Variants in UNC13A observed in about 807,000 individuals in gnomAD.
UNC13A encodes unc-13 homolog A.
UNC13A carries 61 observed loss-of-function variants against 219.7 expected under a neutral mutation model. The observed-to-expected ratio is 0.28, with a 90% CI of 0.23 to 0.34. The LOEUF is 0.34. Among genes scored for constraint, UNC13A ranks in the 10% least tolerant of loss-of-function variants. The probability of loss-of-function intolerance (pLI) is 1.00; values close to 1 mark genes in which losing one functional copy is unlikely to be tolerated. For missense variants in UNC13A, 1,476 were observed against 2,270.3 expected (o/e 0.65, Z 7.11); for synonymous variants, 920 against 884.6 (o/e 1.04, Z -0.71).
chr19:17,623,989 T>A (rs961998402), intron 35 of UNC13A, among the ~76,000 whole-genome samples: 2 of 152,114 alleles, frequency 1.3e-5, no homozygotes, highest in Non-Finnish European at 1.5e-5. Context: ...ATGCCCTCCA[T>A]GACCTCTGGC....
chr19:17,608,383 AAT>A (rs35540356), intron 43 of UNC13A, among the ~76,000 whole-genome samples: 64,049 of 123,960 alleles, frequency 0.52, 16,138 homozygotes, highest in Non-Finnish European at 0.55. Flanking sequence ...TATGTATATA[AAT>A]ATATATATAT....
intron 11 of UNC13A, among the ~76,000 whole-genome samples, chr19:17,653,357 G>GTTT (rs1199242530): frequency 1.0e-4 from 15 of 150,536 alleles, no homozygotes; most frequent in African/African-American, 2.9e-4. Flanking sequence ...TTGTTTGTTT[G>GTTT]TTTGTTTGAG....
rs2145013107 is a variant in UNC13A, at chr19:17,633,210, A to G, written c.3216-17T>C. Reference sequence around the variant, plus strand: ...TGGGGAAACCTGGCAAAGTCATGGAAGTATAAAACTTTGGCAGGCAGAAGG... The same window carrying G: ...TGGGGAAACCTGGCAAAGTCATGGAGGTATAAAACTTTGGCAGGCAGAAGG... On this transcript the variant is annotated splice_polypyrimidine_tract_variant and intron_variant, in intron 26 of 43. Transcript: ENST00000519716. 6.2e-7 allele frequency: 1 copy of G among 1,613,446 alleles called. No homozygotes were observed. Among genetic ancestry groups the G allele is most frequent in the East Asian group, 2.2e-5 (1 of 44,876 alleles).
Position 17,605,985 on chromosome 19 carries a change from C to A in UNC13A, c.*69G>T, listed in dbSNP as rs12974304. 5 of 1,354,438 alleles carry A rather than the reference C, an allele frequency of 3.7e-6. No homozygotes were observed. In the African/African-American group the frequency reaches 4.6e-5, roughly 13 times the overall value. 83.9% of individuals were successfully genotyped at this position (1,354,438 alleles called of 1,614,324 possible). ...CGCCCCTGGGGAGGTCCCACCAAGGCGCAAGCCCCGTCCCTCCCCGCCCAG... is the reference window on the plus strand; with the variant it reads ...CGCCCCTGGGGAGGTCCCACCAAGGAGCAAGCCCCGTCCCTCCCCGCCCAG... On this transcript the variant is annotated 3_prime_UTR_variant, in exon 44 of 44. Coordinates refer to ENST00000519716, the MANE Select transcript of UNC13A (RefSeq NM_001080421.3).
At chr19:17,662,685 C>A (rs1299190049) in intron 8 of UNC13A, among the ~76,000 whole-genome samples, 1 of 152,068 alleles carries the variant, frequency 6.6e-6, no homozygotes, top group Non-Finnish European at 1.5e-5. Flanking sequence ...CTTTGGGAGG[C>A]CAAGGCAGGT....
At chr19:17,668,231 C>G in intron 5 of UNC13A, 41 bp from the exon 6 acceptor site, 1 of 1,587,392 alleles carries the variant, frequency 6.3e-7, no homozygotes, top group East Asian at 2.2e-5. Context: ...AAGACCCTCC[C>G]TGCCGCTCAG....
intron 42 of UNC13A, among the ~76,000 whole-genome samples, chr19:17,610,999 C>T (rs1394339260): frequency 1.3e-5 from 2 of 152,118 alleles, no homozygotes; most frequent in East Asian, 3.9e-4. Context: ...CACCACAGCG[C>T]TCCAACCTGG....
At position 17,627,302 on chromosome 19, in the gene UNC13A, A is replaced by G. The variant is rs1394621045; in HGVS notation, c.3920+207T>C. On this transcript the variant is annotated intron_variant, in intron 33 of 43. Coordinates refer to ENST00000519716, the MANE Select transcript of UNC13A (RefSeq NM_001080421.3). The surrounding 1 kb of genome is among the most constrained non-coding windows in gnomAD (Gnocchi z 4.7). The stretch of plus-strand genomic sequence containing the variant: ...ATCACCCCAAATTTACAGAGCAATA[A>G]AAAAAAAAATAAGGCTCAGAGAAGT... Among the ~76,000 whole-genome samples the G allele has an allele frequency of 6.7e-6, 1 of 149,570 alleles. No homozygotes were observed. Among genetic ancestry groups the G allele is most frequent in the East Asian group, 1.9e-4 (1 of 5,166 alleles).
rs2145867065 is a variant in UNC13A, at chr19:17,656,179, C to A, written c.987G>T (p.Glu329Asp). Residue 329 changes from glutamate to aspartate, a missense_variant, in exon 10 of 44, where the codon GAG becomes GAT. Physicochemically the swap from Glu to Asp is conservative, Grantham distance 45. Around this residue, in one of 14 missense-constraint regions of UNC13A, gnomAD observed 351 missense variants for 342.6 expected, o/e 1.02. Transcript: ENST00000519716. ...GCAGCTCCTCCTCCTCCAGGAAGTC[C>A]TCCAGGTCCTCCTCCAGCTCTTCCT... ...QDEEELEEDL[E>D]DFLEEEELPE... 6.4e-7 allele frequency: 1 copy of A among 1,552,240 alleles called. No individual in the cohort carries two copies. Among genetic ancestry groups the A allele is most frequent in the East Asian group, 2.4e-5 (1 of 40,956 alleles).
intron 1 of UNC13A, among the ~76,000 whole-genome samples, chr19:17,687,921 C>A (rs1021315336): frequency 2.0e-5 from 3 of 148,062 alleles, no homozygotes; most frequent in African/African-American, 7.3e-5. Context: ...CCGTCCACGT[C>A]CACACGGGCC....
chr19:17,671,052 G>A (rs1411987826), intron 4 of UNC13A, among the ~76,000 whole-genome samples: 2 of 152,134 alleles, frequency 1.3e-5, no homozygotes, highest in African/African-American at 4.8e-5. Context: ...AAGAGGCCCA[G>A]CCATCATCAC....
intron 1 of UNC13A, among the ~76,000 whole-genome samples, chr19:17,679,682 TTC>T (rs143875351): frequency 1.3e-5 from 2 of 151,704 alleles, no homozygotes; most frequent in South Asian, 2.1e-4. Flanking sequence ...CCTTGATCTG[TTC>T]TCTCTCTCTC....
In UNC13A at chr19:17,656,377, A is replaced by G; in HGVS notation, c.789T>C (p.Tyr263=). The G allele has an allele frequency of 6.5e-7, 1 of 1,544,224 alleles. No homozygotes were observed. The highest frequency in any genetic ancestry group is 1.4e-5 in the African/African-American group (1 of 73,494). ...CCTGGCTCAGCTCCCCGGAAGAGGCATAGCGGCTGCTACCCGTGGGGCTGT... is the reference window on the plus strand; with the variant it reads ...CCTGGCTCAGCTCCCCGGAAGAGGCGTAGCGGCTGCTACCCGTGGGGCTGT... The part of the protein sequence containing the change: ...QALSPTGSSR[Y]ASSGELSQGS... The change falls in exon 10 of 44, where the codon TAT becomes TAC. Residue 263 remains tyrosine, a synonymous_variant. Transcript: ENST00000519716.
At chr19:17,624,744 C>G in intron 35 of UNC13A, 85 bp downstream of exon 35, 1 of 1,498,784 alleles carries the variant, frequency 6.7e-7, no homozygotes, top group Admixed American at 2.3e-5. Flanking sequence ...TTTGTTCTTA[C>G]CCCCCAGCCT....
intron 41 of UNC13A, among the ~76,000 whole-genome samples, chr19:17,612,478 G>A (rs2076614496): frequency 6.6e-6 from 1 of 152,068 alleles, no homozygotes; most frequent in African/African-American, 2.4e-5. Flanking sequence ...CTGGACTATT[G>A]CAGTAGCCTC....
chr19:17,674,808 C>T lies in UNC13A; in HGVS notation c.53-52G>A. The T allele has an allele frequency of 5.4e-6, 8 of 1,478,026 alleles. No homozygotes were observed. Among genetic ancestry groups the T allele is most frequent in the Non-Finnish European group, 7.6e-6 (8 of 1,057,634 alleles). 91.6% of individuals were successfully genotyped at this position (1,478,026 alleles called of 1,614,324 possible). A position where few individuals can be genotyped will look rare whatever the true frequency, so the allele number is the denominator to read the frequency against. ...GCTGGGGCTCAGGGACTCTCCAATG[C>T]CCCTTCCCAAGCTCTAGACCATCTG... On this transcript the variant is annotated intron_variant, in intron 2 of 43. Coordinates refer to ENST00000519716, the MANE Select transcript of UNC13A (RefSeq NM_001080421.3). The surrounding 1 kb of genome is among the most constrained non-coding windows in gnomAD (Gnocchi z 5.0).
chr19:17,670,907 G>GTAACA (rs2079772591), intron 4 of UNC13A, among the ~76,000 whole-genome samples: 3 of 128,564 alleles, frequency 2.3e-5, no homozygotes, highest in Non-Finnish European at 3.3e-5. Flanking sequence ...CCATCTCACA[G>GTAACA]TAAAATAAAA....
intron 30 of UNC13A, among the ~76,000 whole-genome samples, chr19:17,629,772 C>T (rs540438893): frequency 1.5e-3 from 224 of 152,228 alleles, no homozygotes; most frequent in African/African-American, 5.3e-3. Context: ...AGACCCAGCA[C>T]AGCCTCAAAC....
chr19:17,621,284 C>T (rs1297093514), intron 37 of UNC13A, among the ~76,000 whole-genome samples: 3 of 152,170 alleles, frequency 2.0e-5, no homozygotes, highest in Admixed American at 6.5e-5. Context: ...GAATGTGCCC[C>T]GCAAAGGGCT....
Sources: allele counts gnomAD v4.1 joint callset (sites outside exome capture counted in the v4.1 genomes callset), GRCh38; gene constraint gnomAD v4.1.1; regional missense constraint gnomAD v4.1.1; non-coding constraint Gnocchi (gnomAD v3.1); transcripts MANE v1.5; gene names NCBI Gene and HGNC (gene_info 2026-07-23, HGNC 2026-07-21).